The following SGPP2 variants were observed in gnomAD, a reference collection of about 807,000 sequenced individuals.
SGPP2 encodes the protein sphingosine 1-phosphate phosphohydrolase 2.
Under a neutral mutation model 33.9 loss-of-function variants are expected in SGPP2, and 30 were observed. That is an observed-to-expected ratio of 0.89 (90% CI 0.66 to 1.20). The LOEUF is 1.20. Ranked by LOEUF, SGPP2 falls within the 50% of genes most tolerant of loss-of-function variation. SGPP2 has a pLI of 0.00. For synonymous variants in SGPP2, 233 were observed against 225.0 expected (o/e 1.04, Z -0.32); for missense variants, 458 against 532.1 (o/e 0.86, Z 1.37).
In SGPP2 at chr2:222,550,883, T is replaced by C. The variant is rs1187183498; in HGVS notation, c.649-7464T>C. The stretch of plus-strand genomic sequence containing the variant: ...ACAGGAATCATCCCTGTATGTAAAC[T>C]TCATGAGCAGCCTTATTATCGTCTC... On this transcript the variant is annotated intron_variant, in intron 4 of 4. Coordinates refer to ENST00000321276, the MANE Select transcript of SGPP2 (RefSeq NM_152386.4). This position sits in a 1 kb window ranked among gnomAD's most constrained non-coding sequence, Gnocchi z 4.5. Among the ~76,000 whole-genome samples the C allele has an allele frequency of 1.3e-5, 2 of 151,244 alleles. No homozygotes were observed. The highest frequency in any genetic ancestry group is 4.9e-5 in the African/African-American group (2 of 40,602).
intron 1 of SGPP2, among the ~76,000 whole-genome samples, chr2:222,430,200 G>A (rs913295243): frequency 1.3e-5 from 2 of 152,174 alleles, no homozygotes; most frequent in African/African-American, 4.8e-5. Context: ...CTTAAAGAGT[G>A]GGTAGGAATC....
At chr2:222,446,862 A>G (rs1219806966) in intron 1 of SGPP2, among the ~76,000 whole-genome samples, 1 of 152,238 alleles carries the variant, frequency 6.6e-6, no homozygotes, top group Non-Finnish European at 1.5e-5. Flanking sequence ...TGTTACTGAA[A>G]TAAATGAGAA....
intron 4 of SGPP2, among the ~76,000 whole-genome samples, chr2:222,557,950 C>CT (rs1301804558): frequency 6.6e-6 from 1 of 152,212 alleles, no homozygotes; most frequent in African/African-American, 2.4e-5. Context: ...TTTAGCCAGC[C>CT]TGCAGCCCAA....
At chr2:222,471,140 C>T (rs1697833401) in intron 1 of SGPP2, among the ~76,000 whole-genome samples, 1 of 152,182 alleles carries the variant, frequency 6.6e-6, no homozygotes, top group Non-Finnish European at 1.5e-5. Flanking sequence ...GTGGGAGACC[C>T]CTTTTTAGAT....
Position 222,476,067 on chromosome 2 carries a change from G to C in SGPP2, c.378+1341G>C, listed in dbSNP as rs1306054289. On this transcript the variant is annotated intron_variant, in intron 2 of 4. Transcript: ENST00000321276. The surrounding 1 kb of genome is among the most constrained non-coding windows in gnomAD (Gnocchi z 4.3). The stretch of plus-strand genomic sequence containing the variant: ...CAACTCTAAGGTCAAAGGTTATTTA[G>C]CTGGTGGAGGGAACTTCCAGACAAG... Among the ~76,000 whole-genome samples the C allele has an allele frequency of 6.6e-6, 1 of 152,208 alleles. No homozygotes were observed. Among genetic ancestry groups the C allele is most frequent in the Non-Finnish European group, 1.5e-5 (1 of 68,028 alleles).
Position 222,561,267 on chromosome 2 carries a change from G to A in SGPP2, c.*2369G>A, listed in dbSNP as rs1348050522. On this transcript the variant is annotated 3_prime_UTR_variant, in exon 5 of 5. Transcript: ENST00000321276. ...AGCACAACTCAGGGGAAGGGCCTTA[G>A]CTTACAGGTACTCCCAGCCTTCATC... 6.6e-6 allele frequency among the ~76,000 whole-genome samples: 1 copy of A among 152,076 alleles called. No individual in the cohort carries two copies. The highest frequency in any genetic ancestry group is 2.4e-5 in the African/African-American group (1 of 41,416).
chr2:222,554,700 C>T (rs559445756), intron 4 of SGPP2, among the ~76,000 whole-genome samples: 1 of 152,136 alleles, frequency 6.6e-6, no homozygotes, highest in Non-Finnish European at 1.5e-5. Context: ...TGATTCTCTG[C>T]ACGGTTTGTG....
At chr2:222,474,819 T>C in intron 2 of SGPP2, 93 bp downstream of exon 2, 6 of 860,810 alleles carry the variant, frequency 7.0e-6, no homozygotes, top group Non-Finnish European at 9.6e-6. Flanking sequence ...TCTTTCTTTT[T>C]TTTTTTTTTT....
rs189806198 is a variant in SGPP2 at position 222,512,772 on chromosome 2, T to C, written c.379-8995T>C. On this transcript the variant is annotated intron_variant, in intron 2 of 4. Transcript: ENST00000321276. ...CAGGCTTCTTTCACTTACTGATATATATTTAGGCTCCTCCATATCTTGTCA... is the reference window on the plus strand; with the variant it reads ...CAGGCTTCTTTCACTTACTGATATACATTTAGGCTCCTCCATATCTTGTCA... Among the ~76,000 whole-genome samples the C allele has an allele frequency of 3.1e-3, 477 of 152,328 alleles. 1 individual carries two copies. The highest frequency in any genetic ancestry group is 0.01 in the African/African-American group (431 of 41,568).
chr2:222,535,074 TG>T (rs1359177488), intron 4 of SGPP2, among the ~76,000 whole-genome samples: 4 of 152,010 alleles, frequency 2.6e-5, no homozygotes, highest in Non-Finnish European at 5.9e-5. Flanking sequence ...AAAGCCACAG[TG>T]GGGGCGCAGT....
intron 4 of SGPP2, among the ~76,000 whole-genome samples, chr2:222,531,583 A>G (rs1698839940): frequency 6.6e-6 from 1 of 152,222 alleles, no homozygotes. Context: ...TTGTAAGATG[A>G]AAGACATTTT....
At position 222,424,602 on chromosome 2, in the gene SGPP2, C is replaced by T; in HGVS notation, c.-1C>T. 1 of 1,334,930 alleles carries T rather than the reference C, an allele frequency of 7.5e-7. No homozygotes were observed. Among genetic ancestry groups the T allele is most frequent in the South Asian group, 1.8e-5 (1 of 54,540 alleles). The allele number at this position is 1,334,930 out of a possible 1,614,324, so 82.7% of individuals were successfully genotyped here. The stretch of plus-strand genomic sequence containing the variant: ...CGGCGGAGCGCGGCCCCGGGCACAC[C>T]ATGGCCGAGCTGCTGCGGAGCCTGC... On this transcript the variant is annotated 5_prime_UTR_variant, in exon 1 of 5. Coordinates refer to ENST00000321276, the MANE Select transcript of SGPP2 (RefSeq NM_152386.4).
intron 4 of SGPP2, among the ~76,000 whole-genome samples, chr2:222,546,802 T>G (rs930247704): frequency 6.7e-6 from 1 of 149,988 alleles, no homozygotes. Flanking sequence ...AATTCAGACG[T>G]TTTTATTCTT....
intron 4 of SGPP2, among the ~76,000 whole-genome samples, chr2:222,533,207 A>G (rs1271443399): frequency 2.0e-5 from 3 of 152,210 alleles, no homozygotes; most frequent in African/African-American, 7.2e-5. Context: ...AAGCTGTCAA[A>G]AAAACAAGCC....
intron 4 of SGPP2, among the ~76,000 whole-genome samples, chr2:222,542,923 G>A (rs1222047188): frequency 6.6e-6 from 1 of 151,590 alleles, no homozygotes; most frequent in African/African-American, 2.4e-5. Context: ...CTGAGTAGCT[G>A]GGACCGCAGT....
At chr2:222,551,199 C>T (rs11883877) in intron 4 of SGPP2, among the ~76,000 whole-genome samples, 46,434 of 151,938 alleles carry the variant, frequency 0.31, 7,650 homozygotes, top group South Asian at 0.48. Flanking sequence ...CAAATCCACC[C>T]GTTCAGGACA....
intron 3 of SGPP2, among the ~76,000 whole-genome samples, chr2:222,524,039 A>T (rs1429074874): frequency 6.6e-6 from 1 of 152,118 alleles, no homozygotes; most frequent in African/African-American, 2.4e-5. Context: ...AGATCATTTC[A>T]CCTCTCTGAA....
intron 4 of SGPP2, among the ~76,000 whole-genome samples, chr2:222,544,566 T>A (rs1281834087): frequency 1.3e-5 from 2 of 152,202 alleles, no homozygotes; most frequent in Admixed American, 6.5e-5. Flanking sequence ...ATTTACAGTT[T>A]CTAATATGTA....
At position 222,476,774 on chromosome 2, in the gene SGPP2, G is replaced by C. The variant is rs1697940700; in HGVS notation, c.378+2048G>C. Among the ~76,000 whole-genome samples, 1 of 150,210 alleles carries C rather than the reference G, an allele frequency of 6.7e-6. No individual in the cohort carries two copies. The highest frequency in any genetic ancestry group is 6.6e-5 in the Admixed American group (1 of 15,090). On this transcript the variant is annotated intron_variant, in intron 2 of 4. Transcript: ENST00000321276. This position sits in a 1 kb window ranked among gnomAD's most constrained non-coding sequence, Gnocchi z 4.3. ...TGTATGTATATAGGTGTGTATATAT[G>C]CGTATGTGTGTATACAGGTGTGTGT... is the stretch of plus-strand genomic sequence containing the variant.
Sources: allele counts gnomAD v4.1 joint callset (sites outside exome capture counted in the v4.1 genomes callset), GRCh38; gene constraint gnomAD v4.1.1; non-coding constraint Gnocchi (gnomAD v3.1); transcripts MANE v1.5; gene names NCBI Gene and HGNC (gene_info 2026-07-23, HGNC 2026-07-21).